The following ATRN variants were observed in gnomAD, a reference collection of about 807,000 sequenced individuals.
The protein encoded by ATRN is attractin, also known as attractin-2.
Under a neutral mutation model 178.7 loss-of-function variants are expected in ATRN, and 54 were observed. That is an observed-to-expected ratio of 0.30 (90% CI 0.24 to 0.38). The LOEUF (loss-of-function observed/expected upper bound fraction) is 0.38. ATRN is among the 10% of genes least tolerant of loss of function. ATRN has a pLI of 1.00. For synonymous variants in ATRN, 636 were observed against 663.0 expected, an observed-to-expected ratio of 0.96 and a Z score of 0.63; for missense variants, 1,443 against 1,815.1, an observed-to-expected ratio of 0.79 and a Z score of 3.73.
At chr20:3,555,164 G>A (rs1171718874) in intron 6 of ATRN, among the ~76,000 whole-genome samples, 1 of 151,872 alleles carries the variant, frequency 6.6e-6, no homozygotes, top group African/African-American at 2.4e-5. Context: ...ACCTCGCCCG[G>A]CTAATTTTTT....
At chr20:3,479,533 A>G (rs2084588259) in intron 1 of ATRN, among the ~76,000 whole-genome samples, 1 of 152,244 alleles carries the variant, frequency 6.6e-6, no homozygotes, top group African/African-American at 2.4e-5. Context: ...AAGACATTCC[A>G]GAAGGAATGA....
chr20:3,484,305 C>A (rs1210555611), intron 1 of ATRN, among the ~76,000 whole-genome samples: 2 of 150,822 alleles, frequency 1.3e-5, no homozygotes, highest in Admixed American at 6.6e-5. Context: ...TGTTATTATT[C>A]TTTTCCTTTA....
chr20:3,524,968 T>C (rs1600073467), intron 1 of ATRN, among the ~76,000 whole-genome samples: 1 of 151,992 alleles, frequency 6.6e-6, no homozygotes, highest in African/African-American at 2.4e-5. Flanking sequence ...AGATCTAAAA[T>C]CGACACCCTA....
At chr20:3,605,992 C>G (rs1347985256) in intron 24 of ATRN, among the ~76,000 whole-genome samples, 2 of 152,218 alleles carry the variant, frequency 1.3e-5, no homozygotes. Context: ...TCTTTCCATT[C>G]TGGAAATATG....
At chr20:3,574,200 C>A (rs1296642435) in intron 12 of ATRN, among the ~76,000 whole-genome samples, 2 of 150,752 alleles carry the variant, frequency 1.3e-5, no homozygotes, top group Non-Finnish European at 2.9e-5. Context: ...AAACTTTTCA[C>A]GAATATAAAT....
At chr20:3,482,877 TTAA>T (rs1421201886) in intron 1 of ATRN, among the ~76,000 whole-genome samples, 1 of 152,228 alleles carries the variant, frequency 6.6e-6, no homozygotes, top group Non-Finnish European at 1.5e-5. Context: ...TAACTTCCTA[TTAA>T]TATGAAATAT....
chr20:3,558,741 T>C (rs235580), intron 6 of ATRN, among the ~76,000 whole-genome samples: 121,026 of 151,836 alleles, frequency 0.8, 48,572 homozygotes, highest in East Asian at 1. Flanking sequence ...GTATGATTTT[T>C]ATAAAAACAG....
At chr20:3,564,732 C>G (rs1322134483) in intron 10 of ATRN, among the ~76,000 whole-genome samples, 3 of 152,020 alleles carry the variant, frequency 2.0e-5, no homozygotes, top group Non-Finnish European at 4.4e-5. Flanking sequence ...CCATGTTTTG[C>G]TGACATAAGC....
intron 20 of ATRN, among the ~76,000 whole-genome samples, chr20:3,595,691 A>T (rs1448478587): frequency 6.6e-6 from 1 of 152,364 alleles, no homozygotes; most frequent in East Asian, 1.9e-4. Context: ...TCGAGATCGC[A>T]GATGTAGGCA....
chr20:3,593,900 G>A (rs1266332875), intron 19 of ATRN, among the ~76,000 whole-genome samples: 1 of 152,190 alleles, frequency 6.6e-6, no homozygotes, highest in Non-Finnish European at 1.5e-5. Flanking sequence ...TGAGGGAGAT[G>A]GGAAGAGCTA....
intron 27 of ATRN, among the ~76,000 whole-genome samples, chr20:3,643,105 T>C (rs1225839035): frequency 6.6e-6 from 1 of 152,256 alleles, no homozygotes. Context: ...GGATTACAGG[T>C]GTGAGCCACT....
rs144411631 is a variant in ATRN, at chr20:3,540,775, C to CGT, written c.608+453_608+454dup. ...TGTTGAATTCAAATATAATTGTGTG[C>CGT]GTGTGTGTGTGTGTATGTGCATCAT... On this transcript the variant is annotated intron_variant, in intron 3 of 28. Transcript: ENST00000262919. 8.7e-4 allele frequency among the ~76,000 whole-genome samples: 132 copies of CGT among 151,102 alleles called. 2 individuals are homozygous for CGT. Among genetic ancestry groups the CGT allele is most frequent in the African/African-American group, 2.9e-3 (119 of 41,262 alleles).
At chr20:3,642,661 C>T (rs946291585) in intron 27 of ATRN, among the ~76,000 whole-genome samples, 2 of 152,198 alleles carry the variant, frequency 1.3e-5, no homozygotes, top group African/African-American at 4.8e-5. Context: ...GTTCCTTGTG[C>T]CACAGCAGAG....
At chr20:3,495,777 A>C (rs1176587764) in intron 1 of ATRN, among the ~76,000 whole-genome samples, 1 of 152,022 alleles carries the variant, frequency 6.6e-6, no homozygotes, top group Non-Finnish European at 1.5e-5. Flanking sequence ...GAAAAAAAAA[A>C]CAAAACCCAC....
Position 3,504,908 on chromosome 20 carries a change from A to G in ATRN, c.411-30345A>G, listed in dbSNP as rs1476208747. ...TGGTAAAATGTTGTTACTAATAAGC[A>G]GATTATTATAAGCCGTATGTTTATA... is the stretch of plus-strand genomic sequence containing the variant. On this transcript the variant is annotated intron_variant, in intron 1 of 28. Coordinates refer to ENST00000262919, the MANE Select transcript of ATRN (RefSeq NM_139321.3). Among the ~76,000 whole-genome samples, 4 of 152,194 alleles carry G rather than the reference A, an allele frequency of 2.6e-5. No homozygotes were observed. The East Asian group carries it at 7.7e-4, about 29-fold the overall frequency.
At chr20:3,609,848 A>G (rs1020157790) in intron 24 of ATRN, among the ~76,000 whole-genome samples, 6 of 152,192 alleles carry the variant, frequency 3.9e-5, no homozygotes, top group African/African-American at 1.4e-4. Flanking sequence ...GAAATAAGCT[A>G]GTTGCAAGAG....
intron 1 of ATRN, among the ~76,000 whole-genome samples, chr20:3,474,591 C>T (rs1360502720): frequency 6.6e-6 from 1 of 151,750 alleles, no homozygotes; most frequent in Non-Finnish European, 1.5e-5. Flanking sequence ...CCTGTAGTCC[C>T]AGCTACTCGG....
At chr20:3,535,010 T>G (rs1300768290) in intron 1 of ATRN, among the ~76,000 whole-genome samples, 1 of 152,150 alleles carries the variant, frequency 6.6e-6, no homozygotes, top group Non-Finnish European at 1.5e-5. Context: ...CCTGTTGGTT[T>G]TAATATTTTT....
intron 1 of ATRN, among the ~76,000 whole-genome samples, chr20:3,508,164 C>T (rs2085073973): frequency 6.7e-6 from 1 of 149,934 alleles, no homozygotes; most frequent in Admixed American, 6.6e-5. Context: ...AGCCTGGTAA[C>T]ATAGTGAGAC....
Sources: allele counts gnomAD v4.1 joint callset (sites outside exome capture counted in the v4.1 genomes callset), GRCh38; gene constraint gnomAD v4.1.1; transcripts MANE v1.5; gene names NCBI Gene and HGNC (gene_info 2026-07-23, HGNC 2026-07-21).